Variants in B3GALT1 observed in about 807,000 individuals in gnomAD.
B3GALT1 encodes the protein UDP-Gal:betaGlcNAc beta 1,3-galactosyltransferase, polypeptide 1.
Under a neutral mutation model 23.2 loss-of-function variants are expected in B3GALT1, and 10 were observed. That is an observed-to-expected ratio of 0.43 (90% CI 0.27 to 0.73). The LOEUF is 0.73. B3GALT1 is among the 30% of genes least tolerant of loss of function. The pLI is 0.21. For synonymous variants in B3GALT1, 156 were observed against 141.5 expected (o/e 1.10, Z -0.73); for missense variants, 299 against 405.4 (o/e 0.74, Z 2.25).
At chr2:167,621,100 T>TG (rs1403276299) in intron 2 of B3GALT1, among the ~76,000 whole-genome samples, 1 of 150,160 alleles carries the variant, frequency 6.7e-6, no homozygotes, top group African/African-American at 2.4e-5. Flanking sequence ...TTTTTTTTTT[T>TG]TTTTTTGAGG....
intron 2 of B3GALT1, among the ~76,000 whole-genome samples, chr2:167,619,752 T>C (rs2105438257): frequency 6.6e-6 from 1 of 152,254 alleles, no homozygotes; most frequent in African/African-American, 2.4e-5. Flanking sequence ...AGTTGTCAAC[T>C]GTGAAATTTC....
At chr2:167,494,093 A>G (rs1043814738) in intron 2 of B3GALT1, among the ~76,000 whole-genome samples, 1 of 152,152 alleles carries the variant, frequency 6.6e-6, no homozygotes, top group Non-Finnish European at 1.5e-5. Context: ...GGCCCATTAT[A>G]GTTGTATATA....
At chr2:167,840,991 C>T (rs1342924919) in intron 4 of B3GALT1, among the ~76,000 whole-genome samples, 3 of 131,056 alleles carry the variant, frequency 2.3e-5, no homozygotes, top group Non-Finnish European at 3.1e-5. Context: ...CACATGGACA[C>T]AGGAATGGGA....
chr2:167,504,641 T>C (rs1373966636), intron 2 of B3GALT1, among the ~76,000 whole-genome samples: 1 of 146,100 alleles, frequency 6.8e-6, no homozygotes, highest in Non-Finnish European at 1.5e-5. Flanking sequence ...AACACAGTCA[T>C]ACACTGCATG....
In B3GALT1 at chr2:167,616,146, A is replaced by G. The variant is rs1367927998; in HGVS notation, c.-409-30763A>G. Among the ~76,000 whole-genome samples, 18 of 152,130 alleles carry G rather than the reference A, an allele frequency of 1.2e-4. No homozygotes were observed. The East Asian group carries it at 3.3e-3, about 28-fold the overall frequency. ...AAAATGTTAAACAATAATGGTTATC[A>G]AATACTGAAAAAGAAAAGGAGATTG... On this transcript the variant is annotated intron_variant, in intron 2 of 4. Coordinates refer to ENST00000392690, the MANE Select transcript of B3GALT1 (RefSeq NM_020981.4).
chr2:167,560,357 A>G (rs565075277), intron 2 of B3GALT1, among the ~76,000 whole-genome samples: 12 of 152,196 alleles, frequency 7.9e-5, no homozygotes, highest in Non-Finnish European at 1.5e-4. Flanking sequence ...AATCATGCCA[A>G]AATATAAAGA....
chr2:167,486,105 T>G (rs1289139055), intron 1 of B3GALT1, among the ~76,000 whole-genome samples: 3 of 152,218 alleles, frequency 2.0e-5, no homozygotes, highest in Non-Finnish European at 4.4e-5. Flanking sequence ...CTCACACCTG[T>G]AATCTCAGCA....
chr2:167,719,474 A>C (rs537762029), intron 3 of B3GALT1, among the ~76,000 whole-genome samples: 45 of 152,386 alleles, frequency 3.0e-4, no homozygotes, highest in Non-Finnish European at 5.7e-4. Context: ...TCAAATTTAT[A>C]GAAAATAGAA....
Position 167,868,896 on chromosome 2 carries a change from T to G in B3GALT1, c.-144T>G. 1 of 944,496 alleles carries G rather than the reference T, an allele frequency of 1.1e-6. No homozygotes were observed. The allele number at this position is 944,496 out of a possible 1,614,324, so 58.5% of individuals were successfully genotyped here. ...GAGCGCAGAGGTGACAGACAGCCAC[T>G]GAGGCCCATGGACAATCTCCACCTC... On this transcript the variant is annotated 5_prime_UTR_variant, in exon 5 of 5. It removes the in-frame stop codon of an upstream open reading frame in the 5' UTR. Transcript: ENST00000392690.
At chr2:167,707,830 T>TA (rs1686988564) in intron 3 of B3GALT1, among the ~76,000 whole-genome samples, 1 of 152,226 alleles carries the variant, frequency 6.6e-6, no homozygotes, top group African/African-American at 2.4e-5. Flanking sequence ...TCACAACACG[T>TA]AAGGGCAAGA....
intron 3 of B3GALT1, among the ~76,000 whole-genome samples, chr2:167,674,188 G>C (rs576630730): frequency 3.9e-5 from 6 of 151,984 alleles, no homozygotes; most frequent in Non-Finnish European, 7.4e-5. Flanking sequence ...TTGCAACTGT[G>C]AATCAAATAT....
chr2:167,408,179 CAA>C (rs34383593), intron 1 of B3GALT1, among the ~76,000 whole-genome samples: 1 of 151,976 alleles, frequency 6.6e-6, no homozygotes, highest in Non-Finnish European at 1.5e-5. Context: ...TTCATCATAA[CAA>C]AGAGGGATTC....
At chr2:167,359,655 A>C (rs1442205557) in intron 1 of B3GALT1, among the ~76,000 whole-genome samples, 1 of 152,130 alleles carries the variant, frequency 6.6e-6, no homozygotes, top group Non-Finnish European at 1.5e-5. Flanking sequence ...AATACTTAGC[A>C]CCTTTTTCTT....
chr2:167,745,825 C>T (rs371558973), intron 3 of B3GALT1, among the ~76,000 whole-genome samples: 11 of 152,172 alleles, frequency 7.2e-5, no homozygotes, highest in African/African-American at 2.4e-4. Flanking sequence ...TGTTTTTCAT[C>T]AGTTCTGGAA....
chr2:167,863,770 T>C (rs1690152225), intron 4 of B3GALT1, among the ~76,000 whole-genome samples: 1 of 152,228 alleles, frequency 6.6e-6, no homozygotes, highest in South Asian at 2.1e-4. Context: ...TTAATACCCC[T>C]TGCTATGAGT....
chr2:167,387,062 C>T (rs1314658258), intron 1 of B3GALT1, among the ~76,000 whole-genome samples: 2 of 151,830 alleles, frequency 1.3e-5, no homozygotes, highest in East Asian at 3.9e-4. Flanking sequence ...CCTTGGAAAC[C>T]AGTGTTAGAA....
At chr2:167,654,412 T>C (rs745608121) in intron 3 of B3GALT1, among the ~76,000 whole-genome samples, 3 of 152,068 alleles carry the variant, frequency 2.0e-5, no homozygotes, top group Admixed American at 6.6e-5. Context: ...TAGGAATGAG[T>C]GGGAAGGGGG....
At chr2:167,662,969 A>G (rs187383607) in intron 3 of B3GALT1, among the ~76,000 whole-genome samples, 80 of 151,434 alleles carry the variant, frequency 5.3e-4, no homozygotes, top group African/African-American at 1.8e-3. Context: ...TTTTATTCTT[A>G]TTCTTACACT....
chr2:167,669,824 A>G (rs1304498847), intron 3 of B3GALT1, among the ~76,000 whole-genome samples: 2 of 152,120 alleles, frequency 1.3e-5, no homozygotes, highest in Non-Finnish European at 2.9e-5. Context: ...TTCCCAAGCC[A>G]TGTGGGACAC....
Sources: gnomAD v4.1 joint callset for allele counts (sites outside exome capture counted in the v4.1 genomes callset) on GRCh38, gnomAD v4.1.1 for gene constraint, MANE v1.5 for transcripts, NCBI Gene and HGNC (gene_info 2026-07-23, HGNC 2026-07-21) for gene names.